Variants in RBFOX1 observed in about 807,000 individuals in gnomAD.
The protein encoded by RBFOX1 is RNA binding fox-1 homolog 1.
RBFOX1 carries 8 observed loss-of-function variants against 57.7 expected under a neutral mutation model. That is an observed-to-expected ratio of 0.14 (90% CI 0.08 to 0.25). The LOEUF is 0.25. RBFOX1 is among the 10% of genes least tolerant of loss of function. The probability of loss-of-function intolerance (pLI) is 1.00; values close to 1 mark genes in which losing one functional copy is unlikely to be tolerated. For missense variants in RBFOX1, 611 were observed against 548.5 expected (o/e 1.11, Z -1.14); for synonymous variants, 326 against 222.4 (o/e 1.47, Z -4.15).
In RBFOX1 at chr16:6,465,043, G is replaced by A. The variant is rs140400087; in HGVS notation, c.-64+147986G>A. Among the ~76,000 whole-genome samples, 653 of 152,274 alleles carry A rather than the reference G, an allele frequency of 4.3e-3. 4 individuals are homozygous for A. The highest frequency in any genetic ancestry group is 0.015 in the African/African-American group (617 of 41,548). On this transcript the variant is annotated intron_variant, in intron 2 of 15. Transcript: ENST00000550418. ...GTTTCTCATATCTAGCCTGATTATC[G>A]TGAATTGTCCACACAGTATATATAA...
At chr16:7,574,377 C>A (rs139718839) in intron 5 of RBFOX1, among the ~76,000 whole-genome samples, 2,120 of 152,318 alleles carry the variant, frequency 0.014, 25 homozygotes, top group Middle Eastern at 0.054. Context: ...TATTGACTCA[C>A]ACGATCACAA....
intron 5 of RBFOX1, among the ~76,000 whole-genome samples, chr16:7,540,108 G>A (rs765114828): frequency 6.6e-6 from 1 of 152,144 alleles, no homozygotes; most frequent in African/African-American, 2.4e-5. Context: ...TGCCTCATTG[G>A]TGGTGGGATT....
At chr16:7,322,073 T>C (rs1384242318) in intron 4 of RBFOX1, among the ~76,000 whole-genome samples, 1 of 152,176 alleles carries the variant, frequency 6.6e-6, no homozygotes, top group Non-Finnish European at 1.5e-5. Context: ...TCCAGTGCTG[T>C]ATTTGGTGGG....
chr16:6,642,845 C>A (rs766660814), intron 2 of RBFOX1, among the ~76,000 whole-genome samples: 2 of 152,164 alleles, frequency 1.3e-5, no homozygotes, highest in Non-Finnish European at 2.9e-5. Context: ...ATAAAGTCAG[C>A]AGCTCTGCCC....
chr16:7,542,812 GAA>G (rs35350157), intron 5 of RBFOX1, among the ~76,000 whole-genome samples: 1 of 146,800 alleles, frequency 6.8e-6, no homozygotes, highest in Non-Finnish European at 1.5e-5. Context: ...ACTGTCTGAG[GAA>G]AAAAAAAATA....
chr16:6,583,890 A>G (rs1567771441), intron 2 of RBFOX1, among the ~76,000 whole-genome samples: 1 of 152,164 alleles, frequency 6.6e-6, no homozygotes, highest in Non-Finnish European at 1.5e-5. Flanking sequence ...TTAAAGGCTA[A>G]TCAGTTTGGC....
At chr16:5,385,838 G>A (rs2066241279) in intron 1 of RBFOX1, among the ~76,000 whole-genome samples, 1 of 152,170 alleles carries the variant, frequency 6.6e-6, no homozygotes, top group Admixed American at 6.5e-5. Flanking sequence ...AAATTGACAA[G>A]AGGTGAATGC....
At chr16:5,486,903 T>G (rs993180735) in intron 2 of RBFOX1, among the ~76,000 whole-genome samples, 1 of 152,160 alleles carries the variant, frequency 6.6e-6, no homozygotes, top group Non-Finnish European at 1.5e-5. Flanking sequence ...AGAAGCCCTT[T>G]CACCTCAGCA....
chr16:6,521,063 A>G (rs2153801604), intron 2 of RBFOX1, among the ~76,000 whole-genome samples: 1 of 152,292 alleles, frequency 6.6e-6, no homozygotes, highest in Admixed American at 6.5e-5. Context: ...TAATCAAGCA[A>G]TTCCACGCAC....
At chr16:5,642,665 GCCGATGAATGGGGAA>G in intron 3 of RBFOX1, among the ~76,000 whole-genome samples, 1 of 152,122 alleles carries the variant, frequency 6.6e-6, no homozygotes, top group Non-Finnish European at 1.5e-5. Flanking sequence ...AAGCTGGCTA[GCCGATGAATGGGGAA>G]TTTACTAGAG....
intron 4 of RBFOX1, among the ~76,000 whole-genome samples, chr16:7,214,856 G>A (rs148503008): frequency 2.6e-4 from 39 of 152,000 alleles, no homozygotes; most frequent in African/African-American, 8.9e-4. Flanking sequence ...GGATAGTCTG[G>A]GTGTCTGTCT....
chr16:7,406,767 A>C (rs185792771), intron 4 of RBFOX1, among the ~76,000 whole-genome samples: 149 of 152,324 alleles, frequency 9.8e-4, no homozygotes, highest in Non-Finnish European at 1.7e-3. Flanking sequence ...TTCCAGAGGC[A>C]AAAAGACTGA....
chr16:6,655,373 C>CAAAA (rs71406388), intron 3 of RBFOX1, among the ~76,000 whole-genome samples: 380 of 33,708 alleles, frequency 0.011, 61 homozygotes, highest in Non-Finnish European at 0.017. Context: ...GCCTCCGTTT[C>CAAAA]AAAAAAAAAA....
intron 4 of RBFOX1, among the ~76,000 whole-genome samples, chr16:7,204,942 C>G (rs954816148): frequency 6.6e-6 from 1 of 152,188 alleles, no homozygotes; most frequent in African/African-American, 2.4e-5. Context: ...TGCACTTCAA[C>G]TTGAAATTCC....
Position 5,616,841 on chromosome 16 carries a change from C to G in RBFOX1, c.318+17880C>G, listed in dbSNP as rs891065841. Among the ~76,000 whole-genome samples the G allele has an allele frequency of 1.9e-4, 28 of 150,298 alleles. 1 individual carries two copies. The highest frequency in any genetic ancestry group is 1.5e-3 in the Admixed American group (22 of 15,032). ...CATCCTCTTCTTTCTCTTTCTTCTC[C>G]TCCTTTGCTCCTCATCCTCCCTTCC... On this transcript the variant is annotated intron_variant, in intron 3 of 19. Coordinates refer to the RBFOX1 transcript ENST00000641259.
intron 3 of RBFOX1, among the ~76,000 whole-genome samples, chr16:6,872,667 T>C (rs995977435): frequency 6.6e-6 from 1 of 152,218 alleles, no homozygotes; most frequent in African/African-American, 2.4e-5. Flanking sequence ...GATTGGACAC[T>C]GTCACTGCTA....
chr16:7,193,609 G>T (rs1247824266), intron 4 of RBFOX1, among the ~76,000 whole-genome samples: 1 of 152,162 alleles, frequency 6.6e-6, no homozygotes. Flanking sequence ...AATGAGGCAG[G>T]TACTACATTG....
chr16:6,853,309 A>T (rs912513807), intron 3 of RBFOX1, among the ~76,000 whole-genome samples: 1 of 152,116 alleles, frequency 6.6e-6, no homozygotes, highest in Non-Finnish European at 1.5e-5. Flanking sequence ...TATTGTTTCT[A>T]TGAGGATGGT....
At chr16:6,834,045 G>T (rs980457658) in intron 3 of RBFOX1, among the ~76,000 whole-genome samples, 2 of 144,496 alleles carry the variant, frequency 1.4e-5, no homozygotes, top group African/African-American at 5.3e-5. Flanking sequence ...GGGGGTACCT[G>T]ATCCAATAAA....
Sources: gnomAD v4.1 joint callset for allele counts (sites outside exome capture counted in the v4.1 genomes callset) on GRCh38, gnomAD v4.1.1 for gene constraint, MANE v1.5 for transcripts, NCBI Gene and HGNC (gene_info 2026-07-23, HGNC 2026-07-21) for gene names.